TTC7A: variants seen among roughly 807,000 people sequenced by gnomAD.
TTC7A encodes tetratricopeptide repeat domain 7A.
A neutral mutation model predicts 103.7 loss-of-function variants in TTC7A; 110 were observed. That is an observed-to-expected ratio of 1.06 (90% CI 0.91 to 1.24). The LOEUF is 1.24. Ranked by LOEUF, TTC7A falls within the 50% of genes most tolerant of loss-of-function variation. The pLI is 0.00. For missense variants in TTC7A, 1,340 were observed against 1,116.3 expected (o/e 1.20, Z -2.86); for synonymous variants, 521 against 467.9 (o/e 1.11, Z -1.47).
At chr2:47,004,680 GGA>G (rs1008292047) in intron 8 of TTC7A, among the ~76,000 whole-genome samples, 8 of 151,878 alleles carry the variant, frequency 5.3e-5, no homozygotes, top group African/African-American at 1.9e-4. Flanking sequence ...GCAGGAGAAG[GGA>G]GGATGCTGGG....
intron 5 of TTC7A, among the ~76,000 whole-genome samples, chr2:46,991,522 C>T (rs1675632312): frequency 6.6e-6 from 1 of 152,100 alleles, no homozygotes; most frequent in South Asian, 2.1e-4. Context: ...CTTCTAGTGA[C>T]ACACAATGTG....
Position 46,941,580 on chromosome 2 carries a change from G to A in TTC7A, c.39G>A (p.Val13=). ...AKGAHGSYLK[V]ESELERCRAE... is the part of the protein sequence containing the mutation. ...GCGCGCACGGCTCCTACCTGAAGGT[G>A]GAGAGCGAGCTGGAGCGCTGCCGCG... Residue 13 remains valine (V), a synonymous_variant, in exon 1 of 20, where the codon GTG becomes GTA. Coordinates refer to ENST00000319190, the MANE Select transcript of TTC7A (RefSeq NM_020458.4). The surrounding 1 kb of genome is among the most constrained non-coding windows in gnomAD (Gnocchi z 4.2). 1.3e-6 allele frequency: 2 copies of A among 1,557,738 alleles called. No individual in the cohort carries two copies. The highest frequency in any genetic ancestry group is 1.7e-6 in the Non-Finnish European group (2 of 1,151,418).
chr2:46,994,172 A>C, intron 6 of TTC7A, 185 bp from the exon 7 acceptor site: 1 of 632,202 alleles, frequency 1.6e-6, no homozygotes. Context: ...GAGGGGTGGG[A>C]GCGCCAGTGT....
intron 15 of TTC7A, among the ~76,000 whole-genome samples, chr2:47,039,163 G>A (rs1273126307): frequency 6.6e-6 from 1 of 152,158 alleles, no homozygotes; most frequent in South Asian, 2.1e-4. Context: ...AAGCAGCAGA[G>A]CCTGGAAGTA....
intron 3 of TTC7A, chr2:46,974,589 A>G (rs1423932716): frequency 2.7e-5 from 12 of 448,232 alleles, no homozygotes; most frequent in Non-Finnish European, 4.9e-5. Context: ...TTGCATTTCT[A>G]AAGAGCTAAG....
intron 3 of TTC7A, among the ~76,000 whole-genome samples, chr2:46,973,453 C>G (rs1380259793): frequency 6.6e-6 from 1 of 152,210 alleles, no homozygotes; most frequent in South Asian, 2.1e-4. Context: ...GGGAGGGCCT[C>G]AGTGCCGAGT....
intron 19 of TTC7A, among the ~76,000 whole-genome samples, chr2:47,066,982 A>G (rs746537657): frequency 6.6e-6 from 1 of 152,208 alleles, no homozygotes; most frequent in Non-Finnish European, 1.5e-5. Context: ...TTGCTGCCTC[A>G]TCCCATGGCG....
At chr2:47,022,536 T>C (rs113926474) in intron 12 of TTC7A, among the ~76,000 whole-genome samples, 12 of 152,294 alleles carry the variant, frequency 7.9e-5, no homozygotes, top group African/African-American at 2.4e-4. Context: ...AGCTCAGCCA[T>C]GTGTCTTACT....
chr2:47,000,726 C>T (rs909814786), intron 8 of TTC7A, among the ~76,000 whole-genome samples: 2 of 152,034 alleles, frequency 1.3e-5, no homozygotes, highest in Non-Finnish European at 2.9e-5. Context: ...GGTAGTTTTG[C>T]GGGGGCTGAG....
At chr2:47,025,443 T>C (rs17036135) in intron 14 of TTC7A, among the ~76,000 whole-genome samples, 28,669 of 152,138 alleles carry the variant, frequency 0.19, 3,044 homozygotes, top group African/African-American at 0.3. Context: ...CTTGGTCTTA[T>C]GGTCACTTCG....
chr2:47,004,315 T>A (rs1677148119), intron 8 of TTC7A, among the ~76,000 whole-genome samples: 2 of 152,234 alleles, frequency 1.3e-5, no homozygotes, highest in South Asian at 4.1e-4. Flanking sequence ...TCCAGAGGCT[T>A]CTGGGAGGAC....
chr2:47,034,854 G>A (rs960417864), intron 15 of TTC7A, among the ~76,000 whole-genome samples: 10 of 152,236 alleles, frequency 6.6e-5, no homozygotes, highest in Admixed American at 2.6e-4. Flanking sequence ...TCAGAGCCCC[G>A]GAGACCCTCC....
intron 5 of TTC7A, among the ~76,000 whole-genome samples, chr2:46,986,064 T>G (rs746557784): frequency 1.2e-4 from 19 of 152,168 alleles, no homozygotes; most frequent in Admixed American, 5.2e-4. Context: ...GTGTCCTGGG[T>G]GGGGGCACAG....
intron 5 of TTC7A, among the ~76,000 whole-genome samples, chr2:46,988,929 G>A (rs141266014): frequency 0.039 from 5,913 of 152,260 alleles, 149 homozygotes; most frequent in Middle Eastern, 0.071. Flanking sequence ...TTGGAACATA[G>A]GGATTTATTT....
rs144926758 is a variant in TTC7A, at chr2:47,058,452, G to A, written c.2153-2317G>A. On this transcript the variant is annotated intron_variant, in intron 18 of 19. Transcript: ENST00000319190. ...TTAGGCCTCTCCTGCTGCCTACTGG[G>A]ACAGGAAGAGGGAATGTCTGGGCCT... is the stretch of plus-strand genomic sequence containing the variant. 4.4e-3 allele frequency among the ~76,000 whole-genome samples: 673 copies of A among 152,348 alleles called. 4 individuals are homozygous for A. Among genetic ancestry groups the A allele is most frequent in the Admixed American group, 0.01 (155 of 15,308 alleles).
intron 3 of TTC7A, 137 bp downstream of exon 3, chr2:46,957,144 G>T: frequency 9.1e-7 from 1 of 1,104,944 alleles, no homozygotes; most frequent in South Asian, 1.5e-5. Flanking sequence ...TGTCTAAGGT[G>T]GATGCCGGTG....
chr2:46,971,110 A>G (rs1003001646), intron 3 of TTC7A, among the ~76,000 whole-genome samples: 6 of 152,252 alleles, frequency 3.9e-5, no homozygotes, highest in Admixed American at 2.6e-4. Context: ...ATGCTTGTCC[A>G]GTACCTACTG....
rs1473877375 is a variant in TTC7A, at chr2:47,075,671, A to T, written c.*1748A>T. 1.3e-5 allele frequency: 2 copies of T among 152,400 alleles called. No individual in the cohort carries two copies. The highest frequency in any genetic ancestry group is 4.8e-5 in the African/African-American group (2 of 41,460). The allele number at this position is 152,400 out of a possible 1,614,324, so 9.4% of individuals were successfully genotyped here. A position where few individuals can be genotyped will look rare whatever the true frequency, so the allele number is the denominator to read the frequency against. ...ATGAGGGAGGCCAGAGAAGGCATCG[A>T]AGCCAAGACCTGGGCCCACCTGGGG... On this transcript the variant is annotated 3_prime_UTR_variant, in exon 20 of 20. Transcript: ENST00000319190.
rs61089798 is a variant in TTC7A at position 47,069,178 on chromosome 2, G to T, written c.2356-4524G>T. On this transcript the variant is annotated intron_variant, in intron 19 of 19. Coordinates refer to ENST00000319190, the MANE Select transcript of TTC7A (RefSeq NM_020458.4). ...CTAGAACCTGATACCAGCCCAGGAA[G>T]GGGAGGAGAAAAGGCCCAGCCACTG... 4.6e-5 allele frequency among the ~76,000 whole-genome samples: 7 copies of T among 152,220 alleles called. No homozygotes were observed. The East Asian group carries it at 1.2e-3, about 25-fold the overall frequency.
Sources: allele counts gnomAD v4.1 joint callset (sites outside exome capture counted in the v4.1 genomes callset), GRCh38; gene constraint gnomAD v4.1.1; non-coding constraint Gnocchi (gnomAD v3.1); transcripts MANE v1.5; gene names NCBI Gene and HGNC (gene_info 2026-07-23, HGNC 2026-07-21).